Variants in OSER1 observed in about 807,000 individuals in gnomAD.
OSER1 encodes the protein oxidative stress-responsive serine-rich protein 1.
A neutral mutation model predicts 26.3 loss-of-function variants in OSER1; 15 were observed. The ratio of observed to expected loss-of-function variants is 0.57; its 90% confidence interval spans 0.38 to 0.88. The LOEUF (loss-of-function observed/expected upper bound fraction) is 0.88. Ranked by LOEUF, OSER1 falls within the 40% of genes least tolerant of loss-of-function variation. The pLI, the probability that OSER1 is intolerant of heterozygous loss-of-function variation, is 0.00. For missense variants in OSER1, 313 were observed against 353.9 expected (o/e 0.88, Z 0.93); for synonymous variants, 127 against 128.2 (o/e 0.99, Z 0.07).
chr20:44,204,482 T>C (rs1188564270), intron 2 of OSER1, among the ~76,000 whole-genome samples: 1 of 151,698 alleles, frequency 6.6e-6, no homozygotes, highest in African/African-American at 2.4e-5. Flanking sequence ...GCTACAAATA[T>C]AATTTTACTC....
rs1257957969 is a variant in OSER1 at position 44,196,303 on chromosome 20, A to AC, written c.*748_*749insG. ...GTATTACAACTGATAACAAAAAAAAAAAAAAAAAACCGCCATATATTTAAA... is the reference window on the plus strand; with the variant it reads ...GTATTACAACTGATAACAAAAAAAAACAAAAAAAAACCGCCATATATTTAAA... On this transcript the variant is annotated 3_prime_UTR_variant, in exon 4 of 4. Coordinates refer to ENST00000255174, the MANE Select transcript of OSER1 (RefSeq NM_016470.8). Among the ~76,000 whole-genome samples the AC allele has an allele frequency of 7.2e-6, 1 of 139,048 alleles. No individual in the cohort carries two copies. The highest frequency in any genetic ancestry group is 1.5e-5 in the Non-Finnish European group (1 of 66,778). 91.2% of individuals were successfully genotyped at this position (139,048 alleles called of 152,430 possible).
At position 44,196,771 on chromosome 20, in the gene OSER1, T is replaced by G; in HGVS notation, c.*281A>C. On this transcript the variant is annotated 3_prime_UTR_variant, in exon 4 of 4. Transcript: ENST00000255174. ...ACAAAGGCTTTTACCATATACCCAC[T>G]GCTGCCAGTCTCAAGTAATTATGGT... The G allele has an allele frequency of 2.7e-6, 1 of 365,026 alleles. No individual in the cohort carries two copies. The highest frequency in any genetic ancestry group is 5.0e-6 in the Non-Finnish European group (1 of 199,360). 22.6% of individuals were successfully genotyped at this position (365,026 alleles called of 1,614,324 possible).
chr20:44,196,470 T>C lies in OSER1; in HGVS notation c.*582A>G, dbSNP rs1485539703. 1 of 152,560 alleles carries C rather than the reference T, an allele frequency of 6.6e-6. No individual in the cohort carries two copies. The highest frequency in any genetic ancestry group is 6.5e-5 in the Admixed American group (1 of 15,320). The allele number at this position is 152,560 out of a possible 1,614,324, so 9.5% of individuals were successfully genotyped here. On this transcript the variant is annotated 3_prime_UTR_variant, in exon 4 of 4. Transcript: ENST00000255174. ...ATAGCACCAGCAGGGGCTTATTTAGTGATGGTTAATAACTCTCTCAAACAA... is the reference window on the plus strand; with the variant it reads ...ATAGCACCAGCAGGGGCTTATTTAGCGATGGTTAATAACTCTCTCAAACAA...
chr20:44,207,032 C>A, intron 1 of OSER1, 34 bp from the exon 2 acceptor site: 1 of 1,049,672 alleles, frequency 9.5e-7, no homozygotes, highest in Non-Finnish European at 1.4e-6. Context: ...AAAGTAAAAA[C>A]AGGTGGGATC....
In OSER1 at chr20:44,206,949, G is replaced by A. The variant is rs774147753; in HGVS notation, c.9C>T (p.Ser3=). 8 of 1,606,862 alleles carry A rather than the reference G, an allele frequency of 5.0e-6. No individual in the cohort carries two copies. The highest frequency in any genetic ancestry group is 1.6e-4 in the Middle Eastern group (1 of 6,062). The change falls in exon 2 of 4, where the codon TCC becomes TCT. Residue 3 remains serine, a synonymous_variant. Transcript: ENST00000255174. The part of the protein sequence containing the change: MK[S]EAKDGEEESL... Reference sequence around the variant, plus strand: ...TCTCCTCCTCTCCATCCTTGGCTTCGGATTTCATTGTGCAAGTTTTTACAC... The same window carrying A: ...TCTCCTCCTCTCCATCCTTGGCTTCAGATTTCATTGTGCAAGTTTTTACAC...
chr20:44,197,951 G>T (rs1600490349), intron 3 of OSER1, among the ~76,000 whole-genome samples: 1 of 152,108 alleles, frequency 6.6e-6, no homozygotes, highest in Non-Finnish European at 1.5e-5. Context: ...GCTATAGAAC[G>T]AGGTGAGATA....
intron 2 of OSER1, among the ~76,000 whole-genome samples, chr20:44,206,523 C>A (rs2073039090): frequency 6.6e-6 from 1 of 152,124 alleles, no homozygotes; most frequent in Non-Finnish European, 1.5e-5. Flanking sequence ...TGAGCCAACC[C>A]ACTTTTAGTG....
At chr20:44,205,757 A>G (rs6017287) in intron 2 of OSER1, among the ~76,000 whole-genome samples, 35,478 of 151,740 alleles carry the variant, frequency 0.23, 6,096 homozygotes, top group African/African-American at 0.48. Context: ...TGGCTAACAC[A>G]GTGAAACCCC....
intron 2 of OSER1, among the ~76,000 whole-genome samples, chr20:44,203,401 C>A (rs1478204592): frequency 1.3e-5 from 2 of 152,152 alleles, no homozygotes; most frequent in Admixed American, 6.5e-5. Context: ...TTATCTTATG[C>A]GGGCAAACCA....
intron 3 of OSER1, among the ~76,000 whole-genome samples, chr20:44,200,272 C>A (rs1336743975): frequency 6.6e-6 from 1 of 152,168 alleles, no homozygotes; most frequent in East Asian, 1.9e-4. Flanking sequence ...CTCACTGGGA[C>A]AGAAAGTAGA....
At chr20:44,210,637 C>G (rs952437214) in intron 1 of OSER1, 59 bp downstream of exon 1, 2 of 152,444 alleles carry the variant, frequency 1.3e-5, no homozygotes, top group African/African-American at 4.8e-5. Context: ...GCGGCCAGAC[C>G]GGCAGTGGAA....
chr20:44,197,895 CCTAAGT>C (rs2072938558), intron 3 of OSER1, among the ~76,000 whole-genome samples, 156 bp from the exon 4 acceptor site: 1 of 152,064 alleles, frequency 6.6e-6, no homozygotes, highest in African/African-American at 2.4e-5. Context: ...TTTCATGCTG[CCTAAGT>C]CTTTGTGTCT....
intron 3 of OSER1, among the ~76,000 whole-genome samples, chr20:44,202,330 G>C (rs1447622184): frequency 6.6e-6 from 1 of 152,036 alleles, no homozygotes; most frequent in Non-Finnish European, 1.5e-5. Flanking sequence ...AGCTGAGATT[G>C]TGACACTGCA....
Position 44,196,306 on chromosome 20 carries a change from AAAAAAAC to A in OSER1, c.*739_*745del, listed in dbSNP as rs895940731. Among the ~76,000 whole-genome samples the A allele has an allele frequency of 2.5e-4, 35 of 140,234 alleles. No homozygotes were observed. Among genetic ancestry groups the A allele is most frequent in the African/African-American group, 1.0e-3 (34 of 32,636 alleles). The allele number at this position is 140,234 out of a possible 152,430, so 92.0% of individuals were successfully genotyped here. A position where few individuals can be genotyped will look rare whatever the true frequency, so the allele number is the denominator to read the frequency against. On this transcript the variant is annotated 3_prime_UTR_variant, in exon 4 of 4. Transcript: ENST00000255174. ...TTACAACTGATAACAAAAAAAAAAA[AAAAAAAC>A]CGCCATATATTTAAAATGCTGGAGA...
In OSER1 at chr20:44,195,993, A is replaced by G. The variant is rs370627892; in HGVS notation, c.*1059T>C. On this transcript the variant is annotated 3_prime_UTR_variant, in exon 4 of 4. Transcript: ENST00000255174. The stretch of plus-strand genomic sequence containing the variant: ...AATTTAAACAAAAGCTTCTGTTAAC[A>G]TTATTGCTAACATGGCTAGACACTG... Among the ~76,000 whole-genome samples the G allele has an allele frequency of 5.9e-5, 9 of 152,364 alleles. No homozygotes were observed. Among genetic ancestry groups the G allele is most frequent in the African/African-American group, 2.2e-4 (9 of 41,586 alleles).
Position 44,206,954 on chromosome 20 carries a change from T to G in OSER1, c.4A>C (p.Lys2Gln), listed in dbSNP as rs2073043900. The change falls in exon 2 of 4, where the codon AAA becomes CAA. Residue 2 changes from lysine to glutamine, a missense_variant. By Grantham distance (53) the Lys-to-Gln change is moderately conservative (BLOSUM62 1). Coordinates refer to ENST00000255174, the MANE Select transcript of OSER1 (RefSeq NM_016470.8). ...TCCTCTCCATCCTTGGCTTCGGATT[T>G]CATTGTGCAAGTTTTTACACTACTT... M[K>Q]SEAKDGEEES... 2 of 1,607,844 alleles carry G rather than the reference T, an allele frequency of 1.2e-6. No individual in the cohort carries two copies. Among genetic ancestry groups the G allele is most frequent in the Non-Finnish European group, 1.7e-6 (2 of 1,174,722 alleles).
rs945227602 is a variant in OSER1 at position 44,210,727 on chromosome 20, G to C, written c.-73C>G. The C allele has an allele frequency of 3.3e-5, 5 of 152,466 alleles. No individual in the cohort carries two copies. Among genetic ancestry groups the C allele is most frequent in the South Asian group, 2.1e-4 (1 of 4,840 alleles). 9.4% of individuals were successfully genotyped at this position (152,466 alleles called of 1,614,324 possible). ...GCAGCTGGGACGCTCCGGTGATGCG[G>C]GGCAGTCAGTTCAGAGCGTCTCTCC... On this transcript the variant is annotated 5_prime_UTR_variant, in exon 1 of 4. Transcript: ENST00000255174.
chr20:44,198,863 T>C (rs2072951577), intron 3 of OSER1, among the ~76,000 whole-genome samples: 1 of 152,174 alleles, frequency 6.6e-6, no homozygotes, highest in African/African-American at 2.4e-5. Flanking sequence ...TTCATAAGTT[T>C]TACATTGCGC....
chr20:44,205,529 G>A (rs938236985), intron 2 of OSER1, among the ~76,000 whole-genome samples: 1 of 152,186 alleles, frequency 6.6e-6, no homozygotes, highest in Non-Finnish European at 1.5e-5. Context: ...CCCAAAAATA[G>A]TACTAGCAAT....
Sources: allele counts gnomAD v4.1 joint callset (sites outside exome capture counted in the v4.1 genomes callset), GRCh38; gene constraint gnomAD v4.1.1; transcripts MANE v1.5; gene names NCBI Gene and HGNC (gene_info 2026-07-23, HGNC 2026-07-21).